The following CPSF2 variants were observed in gnomAD, a reference collection of about 807,000 sequenced individuals.
CPSF2 encodes cleavage and polyadenylation specific factor 2, also known as cleavage and polyadenylation specificity factor subunit 2.
In CPSF2, 51 loss-of-function variants were observed where a neutral mutation model predicts 84.2. The observed-to-expected ratio is 0.61, with a 90% CI of 0.48 to 0.77. The LOEUF is 0.77. Ranked by LOEUF, CPSF2 falls within the 30% of genes least tolerant of loss-of-function variation. CPSF2 has a pLI of 0.00. For synonymous variants in CPSF2, 286 were observed against 311.9 expected, an observed-to-expected ratio of 0.92 and a Z score of 0.87; for missense variants, 641 against 929.4, an observed-to-expected ratio of 0.69 and a Z score of 4.03.
chr14:92,159,364 C>A, intron 14 of CPSF2, 82 bp downstream of exon 14: 1 of 1,111,836 alleles, frequency 9.0e-7, no homozygotes, highest in South Asian at 1.6e-5. Flanking sequence ...TTTTTCCCCC[C>A]TTCTAAAACT....
intron 2 of CPSF2, among the ~76,000 whole-genome samples, chr14:92,126,598 C>T (rs147565810): frequency 0.017 from 2,639 of 152,200 alleles, 71 homozygotes; most frequent in African/African-American, 0.06. Flanking sequence ...ATCACTTGAG[C>T]CCAGGAGTTA....
intron 9 of CPSF2, among the ~76,000 whole-genome samples, chr14:92,151,328 G>A (rs1295566436): frequency 1.3e-5 from 2 of 151,984 alleles, no homozygotes; most frequent in Non-Finnish European, 2.9e-5. Flanking sequence ...GGGAGTTCGA[G>A]GCTGCAGTGA....
At chr14:92,145,618 C>T (rs993186307) in intron 9 of CPSF2, among the ~76,000 whole-genome samples, 1 of 151,978 alleles carries the variant, frequency 6.6e-6, no homozygotes, top group African/African-American at 2.4e-5. Flanking sequence ...CTCAGAAATA[C>T]AAGGTTAAAA....
chr14:92,150,294 A>C (rs574253817), intron 9 of CPSF2, among the ~76,000 whole-genome samples: 1 of 148,354 alleles, frequency 6.7e-6, no homozygotes, highest in Non-Finnish European at 1.5e-5. Context: ...TTTTTTTTTC[A>C]TATTTTTAGT....
intron 7 of CPSF2, 33 bp downstream of exon 7, chr14:92,138,380 T>C: frequency 8.8e-7 from 1 of 1,133,580 alleles, no homozygotes; most frequent in Non-Finnish European, 1.2e-6. Context: ...ATTATTATTA[T>C]TATTTTGTAA....
Position 92,142,321 on chromosome 14 carries a change from T to C in CPSF2, c.819T>C (p.Ser273=). ...VYSLALLNNV[S]YNVVEFSKSQ... is the part of the protein sequence containing the mutation. Reference sequence around the variant, plus strand: ...CATTGGCACTCCTAAATAATGTCAGTTACAATGTGGTGGAGTTTTCTAAGT... The same window carrying C: ...CATTGGCACTCCTAAATAATGTCAGCTACAATGTGGTGGAGTTTTCTAAGT... The change falls in exon 8 of 16, where the codon AGT becomes AGC. Residue 273 remains serine, a synonymous_variant. Coordinates refer to ENST00000298875, the MANE Select transcript of CPSF2 (RefSeq NM_017437.3). The C allele has an allele frequency of 6.2e-7, 1 of 1,613,338 alleles. No homozygotes were observed. The highest frequency in any genetic ancestry group is 8.5e-7 in the Non-Finnish European group (1 of 1,179,504).
rs937857910 is a variant in CPSF2 at position 92,165,322 on chromosome 14, A to G, written c.*3578A>G. ...AATTAGAATTGCTGGATCATACAGTAATTCTGCTTAACCTTTTGAGGAGCT... is the reference window on the plus strand; with the variant it reads ...AATTAGAATTGCTGGATCATACAGTGATTCTGCTTAACCTTTTGAGGAGCT... On this transcript the variant is annotated 3_prime_UTR_variant, in exon 16 of 16. Coordinates refer to ENST00000298875, the MANE Select transcript of CPSF2 (RefSeq NM_017437.3). 6 of 152,018 alleles carry G rather than the reference A, an allele frequency of 3.9e-5. No individual in the cohort carries two copies. The highest frequency in any genetic ancestry group is 1.3e-4 in the Admixed American group (2 of 15,250). 9.4% of individuals were successfully genotyped at this position (152,018 alleles called of 1,614,324 possible). A position where few individuals can be genotyped will look rare whatever the true frequency, so the allele number is the denominator to read the frequency against.
rs1269257870 is a variant in CPSF2, at chr14:92,134,370, C to T, written c.415+15C>T. 1 of 1,535,590 alleles carries T rather than the reference C, an allele frequency of 6.5e-7. No homozygotes were observed. The highest frequency in any genetic ancestry group is 1.4e-5 in the African/African-American group (1 of 73,232). On this transcript the variant is annotated intron_variant, in intron 5 of 15. Coordinates refer to ENST00000298875, the MANE Select transcript of CPSF2 (RefSeq NM_017437.3). ...GAATTTGAAAGGTAAAAAGAATTTC[C>T]AGTAGTAAGTATTTAGATGAATGGG...
In CPSF2 at chr14:92,142,287, G is replaced by GT; in HGVS notation, c.786dup (p.Val263CysfsTer9). 1 of 1,614,020 alleles carries GT rather than the reference G, an allele frequency of 6.2e-7. No homozygotes were observed. The highest frequency in any genetic ancestry group is 8.5e-7 in the Non-Finnish European group (1 of 1,179,934). ...TGGAGGACTAAAGATGCAGGATTGGGTGTTTACTCATTGGCACTCCTAAAT... is the reference window on the plus strand; with the variant it reads ...TGGAGGACTAAAGATGCAGGATTGGGTTGTTTACTCATTGGCACTCCTAAAT... On this transcript the variant is annotated frameshift_variant, in exon 8 of 16. Transcript: ENST00000298875. LOFTEE classifies it high-confidence loss of function.
rs772206684 is a variant in CPSF2 at position 92,162,671 on chromosome 14, T to C, written c.*927T>C. On this transcript the variant is annotated 3_prime_UTR_variant, in exon 16 of 16. Coordinates refer to ENST00000298875, the MANE Select transcript of CPSF2 (RefSeq NM_017437.3). ...AAGCAGTGGTTGGATTTTATACACA[T>C]TACTACTAAAATAATACTGAAGTTG... The C allele has an allele frequency of 6.6e-6, 1 of 152,192 alleles. No homozygotes were observed. The highest frequency in any genetic ancestry group is 1.5e-5 in the Non-Finnish European group (1 of 68,036). The allele number at this position is 152,192 out of a possible 1,614,324, so 9.4% of individuals were successfully genotyped here. A position where few individuals can be genotyped will look rare whatever the true frequency, so the allele number is the denominator to read the frequency against.
chr14:92,133,257 C>T (rs2068956919), intron 3 of CPSF2, among the ~76,000 whole-genome samples: 1 of 150,560 alleles, frequency 6.6e-6, no homozygotes, highest in African/African-American at 2.4e-5. Context: ...CCATCTCTAC[C>T]AAAAATACAA....
Position 92,142,214 on chromosome 14 carries a change from G to T in CPSF2, c.712G>T (p.Asp238Tyr). 6.2e-7 allele frequency: 1 copy of T among 1,613,938 alleles called. No homozygotes were observed. The highest frequency in any genetic ancestry group is 8.5e-7 in the Non-Finnish European group (1 of 1,179,856). ...RGDGNVLIAV[D>Y]TAGRVLELAQ... Reference sequence around the variant, plus strand: ...TGATGGAAATGTGTTAATAGCAGTGGACACAGCAGGCAGAGTTTTGGAACT... The same window carrying T: ...TGATGGAAATGTGTTAATAGCAGTGTACACAGCAGGCAGAGTTTTGGAACT... The change falls in exon 8 of 16, where the codon GAC becomes TAC. Residue 238 changes from aspartate (D) to tyrosine (Y), a missense_variant. Asp to Tyr is a radical substitution (Grantham distance 160). Transcript: ENST00000298875.
intron 13 of CPSF2, 128 bp downstream of exon 13, chr14:92,158,012 T>C (rs776071948): frequency 4.2e-5 from 28 of 665,540 alleles, no homozygotes; most frequent in Non-Finnish European, 6.7e-5. Flanking sequence ...GCAGACCTCA[T>C]AGGGTATGGG....
chr14:92,131,173 A>C, intron 3 of CPSF2, 40 bp downstream of exon 3: 1 of 1,518,490 alleles, frequency 6.6e-7, no homozygotes, highest in East Asian at 2.3e-5. Flanking sequence ...TATTAAATCA[A>C]CTTCTCTTTT....
chr14:92,127,979 A>G (rs1452522753), intron 2 of CPSF2, among the ~76,000 whole-genome samples: 4 of 152,208 alleles, frequency 2.6e-5, no homozygotes, highest in African/African-American at 9.6e-5. Flanking sequence ...GGTGTGGAGT[A>G]GTAGTCTCAG....
At chr14:92,135,824 T>A (rs1433795974) in intron 6 of CPSF2, among the ~76,000 whole-genome samples, 2 of 152,208 alleles carry the variant, frequency 1.3e-5, no homozygotes, top group African/African-American at 2.4e-5. Context: ...GTGGATGGGT[T>A]GTTCTTTTGT....
chr14:92,142,056 A>T, intron 7 of CPSF2, 108 bp from the exon 8 acceptor site: 1 of 886,852 alleles, frequency 1.1e-6, no homozygotes. Context: ...GTAGTTGCTT[A>T]TTTGTAAATT....
chr14:92,135,405 G>C lies in CPSF2; in HGVS notation c.454G>C (p.Gly152Arg). ...CCTGTCTATCACACCTCTGCCAGCT[G>C]GTCATATGATAGGTGGAACAATATG... is the stretch of plus-strand genomic sequence containing the variant. ...HGLSITPLPA[G>R]HMIGGTIWKI... The change falls in exon 6 of 16, where the codon GGT becomes CGT. Residue 152 changes from glycine (G) to arginine (R), a missense_variant. By Grantham distance (125) the Gly-to-Arg change is moderately radical. Coordinates refer to ENST00000298875, the MANE Select transcript of CPSF2 (RefSeq NM_017437.3). 1 of 1,613,576 alleles carries C rather than the reference G, an allele frequency of 6.2e-7. No homozygotes were observed.
At position 92,138,220 on chromosome 14, in the gene CPSF2, A is replaced by C; in HGVS notation, c.546-12A>C. 1 of 1,398,504 alleles carries C rather than the reference A, an allele frequency of 7.2e-7. No individual in the cohort carries two copies. Among genetic ancestry groups the C allele is most frequent in the Non-Finnish European group, 9.9e-7 (1 of 1,005,954 alleles). 86.6% of individuals were successfully genotyped at this position (1,398,504 alleles called of 1,614,324 possible). A position where few individuals can be genotyped will look rare whatever the true frequency, so the allele number is the denominator to read the frequency against. On this transcript the variant is annotated splice_polypyrimidine_tract_variant and intron_variant, in intron 6 of 15. Transcript: ENST00000298875. ...TGATATAAAATATTCCTCTTCTTAA[A>C]CTTTCTTATAGCCATTTAAATGGAT... is the stretch of plus-strand genomic sequence containing the variant.
Sources: allele counts gnomAD v4.1 joint callset (sites outside exome capture counted in the v4.1 genomes callset), GRCh38; gene constraint gnomAD v4.1.1; transcripts MANE v1.5; gene names NCBI Gene and HGNC (gene_info 2026-07-23, HGNC 2026-07-21).